MAOB: variants seen among roughly 807,000 people sequenced by gnomAD.
MAOB encodes the protein monoamine oxidase B.
A neutral mutation model predicts 41.9 loss-of-function variants in MAOB; 15 were observed. The ratio of observed to expected loss-of-function variants is 0.36; its 90% confidence interval spans 0.24 to 0.55. The LOEUF (loss-of-function observed/expected upper bound fraction) is 0.55, where lower values mean the gene tolerates loss of function less well. MAOB is among the 20% of genes least tolerant of loss of function. MAOB has a pLI of 0.86. For missense variants in MAOB, 345 were observed against 398.7 expected, an observed-to-expected ratio of 0.87 and a Z score of 1.15; for synonymous variants, 167 against 144.2, an observed-to-expected ratio of 1.16 and a Z score of -1.13.
chrX:43,840,066 AAG>A (rs2035116022), intron 2 of MAOB, among the ~76,000 whole-genome samples: 1 of 112,362 alleles, frequency 8.9e-6, no homozygotes, highest in African/African-American at 3.2e-5. Context: ...CAAAGGTAAA[AAG>A]AGATATTTGA....
At chrX:43,817,118 A>ATCT (rs200541607) in intron 3 of MAOB, among the ~76,000 whole-genome samples, 6 of 91,351 alleles carry the variant, frequency 6.6e-5, no homozygotes, top group African/African-American at 2.1e-4. Context: ...CTTCATCTTC[A>ATCT]TCTTCTTCTT....
intron 5 of MAOB, among the ~76,000 whole-genome samples, chrX:43,799,577 C>G (rs1045462573): frequency 9.0e-6 from 1 of 111,195 alleles, no homozygotes; most frequent in Non-Finnish European, 1.9e-5. Flanking sequence ...TCTGAAGGGC[C>G]AGTCCATTCC....
At chrX:43,825,358 C>A (rs970658824) in intron 3 of MAOB, among the ~76,000 whole-genome samples, 15 of 110,854 alleles carry the variant, frequency 1.4e-4, no homozygotes, top group Admixed American at 2.9e-4. Flanking sequence ...CTGGCTGGAA[C>A]ACTCTTACCC....
At chrX:43,881,380 G>A (rs779955242) in intron 1 of MAOB, among the ~76,000 whole-genome samples, 6 of 113,206 alleles carry the variant, frequency 5.3e-5, no homozygotes, top group African/African-American at 9.6e-5. Context: ...GCAGCGTTAG[G>A]AGGTGGGCCA....
intron 1 of MAOB, 141 bp downstream of exon 1, chrX:43,882,113 C>T: frequency 9.7e-7 from 1 of 1,033,322 alleles, no homozygotes; most frequent in Non-Finnish European, 1.3e-6. Flanking sequence ...GCGCTCTGGA[C>T]CCACTAGAGC....
chrX:43,778,682 C>G lies in MAOB; in HGVS notation c.1137G>C (p.Glu379Asp). The change falls in exon 11 of 15, where the codon GAG (glutamate) becomes GAC (aspartate). Residue 379 changes from glutamate to aspartate, a missense_variant and splice_region_variant. By Grantham distance (45) the Glu-to-Asp change is conservative. Coordinates refer to ENST00000378069, the MANE Select transcript of MAOB (RefSeq NM_000898.5). ...AKVLGSLEAL[E>D]PVHYEEKNWC... is the part of the protein sequence containing the mutation. ...GTATAGGGTTGGGAAGCAGCCTTAC[C>G]TCCAGAGCTTCTAGGGAACCCAGAA... is the stretch of plus-strand genomic sequence containing the variant. The G allele has an allele frequency of 8.3e-7, 1 of 1,206,403 alleles. No individual in the cohort carries two copies. The highest frequency in any genetic ancestry group is 1.7e-5 in the African/African-American group (1 of 57,481).
intron 1 of MAOB, among the ~76,000 whole-genome samples, chrX:43,881,516 T>C (rs1569235265): frequency 1.8e-5 from 2 of 112,157 alleles, no homozygotes; most frequent in Non-Finnish European, 3.8e-5. Context: ...CCATCCCTTC[T>C]TCTGGCTTCT....
intron 1 of MAOB, among the ~76,000 whole-genome samples, chrX:43,846,646 G>C (rs759705320): frequency 2.7e-5 from 3 of 111,395 alleles, no homozygotes; most frequent in Non-Finnish European, 5.7e-5. Flanking sequence ...AGGAAACTGA[G>C]TTGGAGTCTG....
At chrX:43,799,939 G>GT (rs982876497) in intron 5 of MAOB, among the ~76,000 whole-genome samples, 2 of 111,243 alleles carry the variant, frequency 1.8e-5, no homozygotes, top group Admixed American at 9.6e-5. Context: ...TCATGTTTGT[G>GT]AAGTGCACTT....
At chrX:43,778,224 G>T (rs2034284248) in intron 11 of MAOB, among the ~76,000 whole-genome samples, 1 of 110,922 alleles carries the variant, frequency 9.0e-6, no homozygotes, top group Non-Finnish European at 1.9e-5. Context: ...TGAGACAGTG[G>T]GGGATGGGGT....
At chrX:43,857,116 T>G (rs574509477) in intron 1 of MAOB, among the ~76,000 whole-genome samples, 55 of 11,340 alleles carry the variant, frequency 4.9e-3, no homozygotes, top group East Asian at 0.021. Context: ...TATATATATA[T>G]AGAGAGAGAG....
chrX:43,812,917 G>C lies in MAOB; in HGVS notation c.280-9513C>G, dbSNP rs3027469. Among the ~76,000 whole-genome samples, 8 of 111,911 alleles carry C rather than the reference G, an allele frequency of 7.1e-5. No individual in the cohort carries two copies. In the South Asian group the frequency reaches 3.0e-3, roughly 42 times the overall value. The stretch of plus-strand genomic sequence containing the variant: ...CATAGTGGCTGAGAAACCAGGTGAA[G>C]CCCTGCAAGAATAATAATAAGAAGC... On this transcript the variant is annotated intron_variant, in intron 3 of 14. Coordinates refer to ENST00000378069, the MANE Select transcript of MAOB (RefSeq NM_000898.5).
intron 3 of MAOB, among the ~76,000 whole-genome samples, chrX:43,804,273 T>C (rs1395762779): frequency 2.7e-5 from 3 of 111,472 alleles, no homozygotes; most frequent in African/African-American, 9.8e-5. Context: ...CTGTTGATGT[T>C]GTACAGGCAG....
chrX:43,831,752 T>C (rs2035021888), intron 3 of MAOB, among the ~76,000 whole-genome samples: 1 of 111,794 alleles, frequency 8.9e-6, no homozygotes, highest in Admixed American at 9.5e-5. Context: ...AATAGATGTT[T>C]CACACACCCT....
At chrX:43,852,705 T>C (rs2035259999) in intron 1 of MAOB, among the ~76,000 whole-genome samples, 2 of 112,210 alleles carry the variant, frequency 1.8e-5, no homozygotes, top group African/African-American at 3.2e-5. Context: ...TTTATATAAT[T>C]TCTTAGTCTT....
In MAOB at chrX:43,840,053, C is replaced by A. The variant is rs373756116; in HGVS notation, c.142-1048G>T. ...GGAAGTATGTGAAGATTTTGCCATACGACAAAGGTAAAAAGAGATATTTGA... is the reference window on the plus strand; with the variant it reads ...GGAAGTATGTGAAGATTTTGCCATAAGACAAAGGTAAAAAGAGATATTTGA... On this transcript the variant is annotated intron_variant, in intron 2 of 14. Transcript: ENST00000378069. Among the ~76,000 whole-genome samples, 60 of 111,767 alleles carry A rather than the reference C, an allele frequency of 5.4e-4. No homozygotes were observed. The South Asian group carries it at 0.022, about 40-fold the overall frequency.
chrX:43,791,511 ACTT>A (rs1410753396), intron 8 of MAOB, among the ~76,000 whole-genome samples: 1 of 112,015 alleles, frequency 8.9e-6, no homozygotes, highest in Non-Finnish European at 1.9e-5. Context: ...TAATCCCAGC[ACTT>A]TGGGAGGCCG....
chrX:43,780,446 C>A, intron 9 of MAOB, 51 bp from the exon 10 acceptor site: 1 of 985,469 alleles, frequency 1.0e-6, no homozygotes, highest in Non-Finnish European at 1.4e-6. Flanking sequence ...TGGTTTCATC[C>A]TAGCCTCATT....
intron 1 of MAOB, among the ~76,000 whole-genome samples, chrX:43,872,626 C>A (rs1422486495): frequency 9.0e-6 from 1 of 111,418 alleles, no homozygotes; most frequent in Non-Finnish European, 1.9e-5. Context: ...TTGAAAAAAA[C>A]ACAAATGTTC....
Sources: gnomAD v4.1 joint callset for allele counts (sites outside exome capture counted in the v4.1 genomes callset) on GRCh38, gnomAD v4.1.1 for gene constraint, MANE v1.5 for transcripts, NCBI Gene and HGNC (gene_info 2026-07-23, HGNC 2026-07-21) for gene names.